Variants in TNFRSF21 observed in about 807,000 individuals in gnomAD.
The protein encoded by TNFRSF21 is tumor necrosis factor receptor superfamily member 21.
TNFRSF21 carries 19 observed loss-of-function variants against 45.6 expected under a neutral mutation model. The observed-to-expected ratio is 0.42, with a 90% CI of 0.29 to 0.61. The LOEUF is 0.61. TNFRSF21 is among the 20% of genes least tolerant of loss of function. The pLI is 0.23. For synonymous variants in TNFRSF21, 314 were observed against 335.5 expected (o/e 0.94, Z 0.70); for missense variants, 737 against 851.5 (o/e 0.87, Z 1.67).
chr6:47,232,635 A>T lies in TNFRSF21; in HGVS notation c.*130T>A. On this transcript the variant is annotated 3_prime_UTR_variant, in exon 6 of 6. Transcript: ENST00000296861. ...CATATTCTCTGTTAAACACACACAC[A>T]CACACACACACACACACACACACAA... 1 of 711,908 alleles carries T rather than the reference A, an allele frequency of 1.4e-6. No homozygotes were observed. Among genetic ancestry groups the T allele is most frequent in the Non-Finnish European group, 2.4e-6 (1 of 425,470 alleles). 44.1% of individuals were successfully genotyped at this position (711,908 alleles called of 1,614,324 possible).
intron 3 of TNFRSF21, among the ~76,000 whole-genome samples, chr6:47,275,145 C>T (rs1582341586): frequency 3.3e-5 from 5 of 152,264 alleles, no homozygotes. Flanking sequence ...CCCAGCAATC[C>T]CATTACTGGT....
chr6:47,275,492 C>A (rs373034736), intron 3 of TNFRSF21, among the ~76,000 whole-genome samples: 1 of 151,952 alleles, frequency 6.6e-6, no homozygotes, highest in African/African-American at 2.4e-5. Context: ...CATCACCCAC[C>A]GGGGCCTGTT....
chr6:47,275,504 G>A (rs112253715), intron 3 of TNFRSF21, among the ~76,000 whole-genome samples: 15 of 152,110 alleles, frequency 9.9e-5, no homozygotes, highest in Non-Finnish European at 7.3e-5. Flanking sequence ...GGGCCTGTTG[G>A]GGGGTGGCGG....
At chr6:47,274,944 A>G (rs1182426547) in intron 3 of TNFRSF21, among the ~76,000 whole-genome samples, 1 of 152,240 alleles carries the variant, frequency 6.6e-6, no homozygotes, top group East Asian at 1.9e-4. Context: ...ATGAGATACC[A>G]TCTTACTCCA....
At position 47,300,607 on chromosome 6, in the gene TNFRSF21, T is replaced by C. The variant is rs1762851851; in HGVS notation, c.96+8809A>G. Among the ~76,000 whole-genome samples the C allele has an allele frequency of 2.0e-5, 3 of 152,326 alleles. No homozygotes were observed. The East Asian group carries it at 5.8e-4, about 29-fold the overall frequency. On this transcript the variant is annotated intron_variant, in intron 1 of 5. Transcript: ENST00000296861. ...ATCCCTTAAAGGATCCTGTATGATA[T>C]GGCCCCTGCCTGCCTTTTCAAGCTC...
At chr6:47,242,889 C>T (rs1224036782) in intron 4 of TNFRSF21, among the ~76,000 whole-genome samples, 1 of 152,150 alleles carries the variant, frequency 6.6e-6, no homozygotes, top group African/African-American at 2.4e-5. Context: ...CTTAGGTTTC[C>T]CTAAACTTCT....
chr6:47,234,229 G>T (rs1391750924), intron 5 of TNFRSF21, among the ~76,000 whole-genome samples: 1 of 151,992 alleles, frequency 6.6e-6, no homozygotes, highest in Non-Finnish European at 1.5e-5. Flanking sequence ...CGCCCACCTC[G>T]GCCTTCCAAA....
At chr6:47,245,845 T>C (rs1418522887) in intron 4 of TNFRSF21, among the ~76,000 whole-genome samples, 1 of 152,164 alleles carries the variant, frequency 6.6e-6, no homozygotes, top group East Asian at 1.9e-4. Flanking sequence ...ATAGGAAGCA[T>C]GACTGGGGAG....
intron 3 of TNFRSF21, among the ~76,000 whole-genome samples, chr6:47,264,824 G>A (rs1331100904): frequency 1.3e-5 from 2 of 152,198 alleles, no homozygotes; most frequent in South Asian, 4.1e-4. Flanking sequence ...GGTGAGAACA[G>A]TCCAACCCCG....
rs776905793 is a variant in TNFRSF21, at chr6:47,309,396, C to A, written c.96+20G>T. 7.2e-6 allele frequency: 11 copies of A among 1,525,372 alleles called. No homozygotes were observed. In the East Asian group the frequency reaches 1.6e-4, roughly 22 times the overall value. The allele number at this position is 1,525,372 out of a possible 1,614,324, so 94.5% of individuals were successfully genotyped here. ...TCTGCTCCGGCGCCGCCGCCACCCC[C>A]GGTCCACGCAAGCGCTCACCAGGAG... On this transcript the variant is annotated intron_variant, in intron 1 of 5. Transcript: ENST00000296861.
chr6:47,255,019 C>T (rs889149530), intron 3 of TNFRSF21, among the ~76,000 whole-genome samples: 5 of 152,130 alleles, frequency 3.3e-5, no homozygotes, highest in African/African-American at 4.8e-5. Flanking sequence ...GTGACAGTAT[C>T]GATGGTACCT....
At chr6:47,279,283 GAAGA>G (rs1169678788) in intron 3 of TNFRSF21, among the ~76,000 whole-genome samples, 2 of 152,194 alleles carry the variant, frequency 1.3e-5, no homozygotes, top group African/African-American at 4.8e-5. Context: ...GGAAGGAGAG[GAAGA>G]AAGAAGGAAA....
intron 1 of TNFRSF21, among the ~76,000 whole-genome samples, chr6:47,292,407 C>T (rs369946624): frequency 1.3e-5 from 2 of 152,024 alleles, no homozygotes; most frequent in East Asian, 3.9e-4. Flanking sequence ...CCAGCCCCAT[C>T]ATCTGGATCA....
At chr6:47,294,757 C>G (rs947319451) in intron 1 of TNFRSF21, among the ~76,000 whole-genome samples, 6 of 152,034 alleles carry the variant, frequency 3.9e-5, no homozygotes, top group African/African-American at 1.2e-4. Context: ...TCTCAAACTC[C>G]TGGCCTCAAG....
Position 47,286,188 on chromosome 6 carries a change from A to G in TNFRSF21, c.504T>C (p.Cys168=). The G allele has an allele frequency of 6.2e-7, 1 of 1,614,252 alleles. No homozygotes were observed. Among genetic ancestry groups the G allele is most frequent in the Non-Finnish European group, 8.5e-7 (1 of 1,180,036 alleles). ...KKGTETEDVR[C]KQCARGTFSD... ...AGAAGGTACCCCGAGCACACTGCTT[A>G]CACCGCACATCCTCAGTCTCTGTCC... The change falls in exon 2 of 6, where the codon TGT becomes TGC. Residue 168 remains cysteine (C), a synonymous_variant. Coordinates refer to ENST00000296861, the MANE Select transcript of TNFRSF21 (RefSeq NM_014452.5).
intron 1 of TNFRSF21, among the ~76,000 whole-genome samples, chr6:47,288,265 G>A (rs565933062): frequency 3.3e-5 from 5 of 152,224 alleles, no homozygotes; most frequent in Non-Finnish European, 7.3e-5. Flanking sequence ...TCTTACAAAC[G>A]TAATGTTGAG....
chr6:47,267,523 A>G (rs1013982500), intron 3 of TNFRSF21, among the ~76,000 whole-genome samples: 1 of 152,126 alleles, frequency 6.6e-6, no homozygotes, highest in Non-Finnish European at 1.5e-5. Flanking sequence ...TGACTCATAC[A>G]TTTTGACCCT....
chr6:47,270,257 A>C (rs1366564809), intron 3 of TNFRSF21, among the ~76,000 whole-genome samples: 1 of 152,124 alleles, frequency 6.6e-6, no homozygotes, highest in Non-Finnish European at 1.5e-5. Flanking sequence ...GACACCTCAT[A>C]AAGGCAGCTG....
chr6:47,250,106 A>G (rs1459759566), intron 4 of TNFRSF21, among the ~76,000 whole-genome samples: 1 of 152,208 alleles, frequency 6.6e-6, no homozygotes, highest in Non-Finnish European at 1.5e-5. Context: ...ATCAAAAGCT[A>G]TCAGACTAGA....
Sources: gnomAD v4.1 joint callset for allele counts (sites outside exome capture counted in the v4.1 genomes callset) on GRCh38, gnomAD v4.1.1 for gene constraint, MANE v1.5 for transcripts, NCBI Gene and HGNC (gene_info 2026-07-23, HGNC 2026-07-21) for gene names.